CDH18: variants seen among roughly 807,000 people sequenced by gnomAD.
CDH18 encodes cadherin-18.
CDH18 carries 31 observed loss-of-function variants against 67.9 expected under a neutral mutation model. That is an observed-to-expected ratio of 0.46 (90% CI 0.34 to 0.62). The LOEUF (loss-of-function observed/expected upper bound fraction) is 0.62. Ranked by LOEUF, CDH18 falls within the 20% of genes least tolerant of loss-of-function variation. The pLI, the probability that CDH18 is intolerant of heterozygous loss-of-function variation, is 0.01. For missense variants in CDH18, 890 were observed against 975.5 expected, an observed-to-expected ratio of 0.91 and a Z score of 1.17; for synonymous variants, 362 against 347.2, an observed-to-expected ratio of 1.04 and a Z score of -0.48.
intron 2 of CDH18, among the ~76,000 whole-genome samples, chr5:20,230,495 T>C (rs1435122726): frequency 3.9e-5 from 6 of 152,216 alleles, no homozygotes; most frequent in Non-Finnish European, 7.3e-5. Flanking sequence ...TTATCTTTTA[T>C]TTGGTTACAA....
chr5:20,397,676 G>C (rs1358407264), intron 1 of CDH18, among the ~76,000 whole-genome samples: 1 of 152,090 alleles, frequency 6.6e-6, no homozygotes, highest in Non-Finnish European at 1.5e-5. Flanking sequence ...ATATTTTCTA[G>C]TAAGCATGCT....
At chr5:19,949,216 T>A (rs924069509) in intron 2 of CDH18, among the ~76,000 whole-genome samples, 1 of 152,134 alleles carries the variant, frequency 6.6e-6, no homozygotes, top group African/African-American at 2.4e-5. Context: ...TTTTGCTTGA[T>A]CTGGTACTTA....
chr5:19,811,076 GA>G (rs1224897845), intron 3 of CDH18, among the ~76,000 whole-genome samples: 9 of 117,042 alleles, frequency 7.7e-5, no homozygotes, highest in African/African-American at 2.9e-4. Context: ...GGGAGAAAGA[GA>G]AAAAGAAAGA....
At chr5:19,841,770 T>C (rs1403057367) in intron 2 of CDH18, among the ~76,000 whole-genome samples, 1 of 152,178 alleles carries the variant, frequency 6.6e-6, no homozygotes, top group African/African-American at 2.4e-5. Flanking sequence ...GCTTTTGCAA[T>C]GCATTACAGA....
intron 2 of CDH18, among the ~76,000 whole-genome samples, chr5:20,122,631 C>G (rs1306064338): frequency 6.6e-6 from 1 of 151,692 alleles, no homozygotes; most frequent in East Asian, 1.9e-4. Context: ...TTTTACTCAA[C>G]TTATTCCCAT....
chr5:19,498,287 G>T (rs1742678363), intron 11 of CDH18, among the ~76,000 whole-genome samples: 1 of 152,086 alleles, frequency 6.6e-6, no homozygotes, highest in Non-Finnish European at 1.5e-5. Flanking sequence ...GAGACAGTCT[G>T]GAAGAAAATA....
intron 1 of CDH18, among the ~76,000 whole-genome samples, chr5:20,351,160 T>TTGTGTGTGTGTG (rs375375615): frequency 0.012 from 1,564 of 132,130 alleles, 40 homozygotes; most frequent in African/African-American, 0.04. Context: ...GTAAATGTAT[T>TTGTGTGTGTGTG]TGTGTGTGTG....
intron 1 of CDH18, among the ~76,000 whole-genome samples, chr5:20,573,055 CACTT>C (rs1466878886): frequency 2.0e-5 from 3 of 152,038 alleles, no homozygotes; most frequent in Non-Finnish European, 4.4e-5. Flanking sequence ...TTTTTAAAAA[CACTT>C]TCTTTTTTTC....
At chr5:19,578,971 A>G (rs1742770698) in intron 7 of CDH18, among the ~76,000 whole-genome samples, 1 of 152,026 alleles carries the variant, frequency 6.6e-6, no homozygotes, top group Non-Finnish European at 1.5e-5. Flanking sequence ...TCCTTTAATG[A>G]GATAGTCTTG....
chr5:20,007,901 T>C (rs1401945223), intron 2 of CDH18, among the ~76,000 whole-genome samples: 1 of 152,090 alleles, frequency 6.6e-6, no homozygotes, highest in East Asian at 1.9e-4. Context: ...TTGATTATAG[T>C]CTGCGGCTGC....
chr5:19,945,853 A>G (rs546897666), intron 2 of CDH18, among the ~76,000 whole-genome samples: 1 of 152,270 alleles, frequency 6.6e-6, no homozygotes, highest in Non-Finnish European at 1.5e-5. Flanking sequence ...AACAGACTCA[A>G]AAATCATTTT....
Position 20,275,238 on chromosome 5 carries a change from T to C in CDH18, c.-579-19733A>G, listed in dbSNP as rs543201967. On this transcript the variant is annotated intron_variant, in intron 1 of 14. Coordinates refer to the CDH18 transcript ENST00000507958. ...ATGGGAGGTGATTGGATCATGAGGG[T>C]GGATCTCCCCCATGTTGTTCTTGTG... Among the ~76,000 whole-genome samples the C allele has an allele frequency of 3.9e-5, 6 of 152,148 alleles. No homozygotes were observed. The East Asian group carries it at 1.2e-3, about 30-fold the overall frequency.
rs766403348 is a variant in CDH18 at position 19,591,071 on chromosome 5, G to T, written c.985C>A (p.Leu329Ile). The T allele has an allele frequency of 3.6e-5, 57 of 1,583,656 alleles. No individual in the cohort carries two copies. The highest frequency in any genetic ancestry group is 4.8e-5 in the Non-Finnish European group (56 of 1,165,028). The part of the protein sequence containing the change: ...STDKETREGI[L>I]SLKKPLNYEK... ...GTTCTTTTTACCTTCTTTAAAGAAA[G>T]GATTCCTTCTCTGGTCTCTTTGTCA... Residue 329 changes from leucine (L) to isoleucine (I), a missense_variant, in exon 7 of 13, where the codon CTT becomes ATT. This residue lies in a region of CDH18 where 656 missense variants were observed against 668.1 expected (regional missense o/e 0.98). Coordinates refer to ENST00000382275, the MANE Select transcript of CDH18 (RefSeq NM_004934.5).
chr5:19,787,264 T>C (rs1035147227), intron 3 of CDH18, among the ~76,000 whole-genome samples: 1 of 151,868 alleles, frequency 6.6e-6, no homozygotes, highest in Non-Finnish European at 1.5e-5. Context: ...ACCAGCGTGG[T>C]CAACAAAGTG....
At position 19,755,458 on chromosome 5, in the gene CDH18, T is replaced by TATATATATATATAA. The variant is rs1290776275; in HGVS notation, c.229-8223_229-8222insTTATATATATATAT. Among the ~76,000 whole-genome samples the TATATATATATATAA allele has an allele frequency of 3.2e-4, 3 of 9,444 alleles. 1 individual carries two copies. Among genetic ancestry groups the TATATATATATATAA allele is most frequent in the Non-Finnish European group, 2.5e-3 (3 of 1,224 alleles). 6.2% of individuals were successfully genotyped at this position (9,444 alleles called of 152,430 possible). A position where few individuals can be genotyped will look rare whatever the true frequency, so the allele number is the denominator to read the frequency against. ...ATATATATATATATATATATATATATACACACACACACACACATACATAGA... is the reference window on the plus strand; with the variant it reads ...ATATATATATATATATATATATATATATATATATATATAAACACACACACACACACATACATAGA... On this transcript the variant is annotated intron_variant, in intron 3 of 12. Transcript: ENST00000382275.
At chr5:19,896,630 G>A (rs75843990) in intron 2 of CDH18, among the ~76,000 whole-genome samples, 181 of 152,186 alleles carry the variant, frequency 1.2e-3, no homozygotes, top group African/African-American at 4.0e-3. Flanking sequence ...TTGGACTTCT[G>A]GTATCCAGAA....
intron 1 of CDH18, among the ~76,000 whole-genome samples, chr5:20,507,375 G>C (rs1754722712): frequency 6.6e-6 from 1 of 152,192 alleles, no homozygotes; most frequent in African/African-American, 2.4e-5. Context: ...TACTTATTGA[G>C]TGGAATAATG....
chr5:20,497,351 T>C (rs1229377105), intron 1 of CDH18, among the ~76,000 whole-genome samples: 1 of 152,184 alleles, frequency 6.6e-6, no homozygotes, highest in East Asian at 1.9e-4. Context: ...ATGTGTGTGA[T>C]TGTGGTCCCA....
At chr5:20,274,029 A>G (rs1745627289) in intron 1 of CDH18, among the ~76,000 whole-genome samples, 1 of 152,158 alleles carries the variant, frequency 6.6e-6, no homozygotes, top group Non-Finnish European at 1.5e-5. Flanking sequence ...ACGGAGACAA[A>G]ACATTATGCA....
Sources: allele counts gnomAD v4.1 joint callset (sites outside exome capture counted in the v4.1 genomes callset), GRCh38; gene constraint gnomAD v4.1.1; regional missense constraint gnomAD v4.1.1; transcripts MANE v1.5; gene names NCBI Gene and HGNC (gene_info 2026-07-23, HGNC 2026-07-21).